Variants in SLC17A1 observed in about 807,000 individuals in gnomAD.
The protein encoded by SLC17A1 is solute carrier family 17 member 1, also known as sodium-dependent phosphate transport protein 1.
A neutral mutation model predicts 53.5 loss-of-function variants in SLC17A1; 51 were observed. The ratio of observed to expected loss-of-function variants is 0.95; its 90% CI spans 0.76 to 1.20. SLC17A1 has a LOEUF of 1.20. SLC17A1 is among the 50% of genes most tolerant of loss of function. SLC17A1 has a pLI of 0.00. For synonymous variants in SLC17A1, 179 were observed against 198.8 expected (o/e 0.90, Z 0.84); for missense variants, 538 against 568.2 (o/e 0.95, Z 0.54).
At chr6:25,780,138 T>C (rs1257823721), downstream of SLC17A1, 1 of 152,206 alleles carries the variant, frequency 6.6e-6, no homozygotes, top group Non-Finnish European at 1.5e-5. Flanking sequence ...AGTGCTTTTG[T>C]TAAAGCCCCT....
chr6:25,734,950 A>G, the SLC17A1 span, among the ~76,000 whole-genome samples: 1 of 152,238 alleles, frequency 6.6e-6, no homozygotes, highest in Admixed American at 6.5e-5. Flanking sequence ...ATGCCCCACA[A>G]TTAACTGGGA....
intron 1 of SLC17A1, among the ~76,000 whole-genome samples, chr6:25,830,830 A>C (rs1764919976): frequency 6.6e-6 from 1 of 152,228 alleles, no homozygotes; most frequent in Non-Finnish European, 1.5e-5. Flanking sequence ...TACAGAGAAC[A>C]AACAAATAAC....
At chr6:25,786,789 G>A (rs1763392371) in intron 12 of SLC17A1, among the ~76,000 whole-genome samples, 1 of 152,100 alleles carries the variant, frequency 6.6e-6, no homozygotes, top group Non-Finnish European at 1.5e-5. Context: ...GGTCAGAGGT[G>A]GGGTCAGCAT....
chr6:25,773,516 T>C, the SLC17A1 span: 17 of 1,613,858 alleles, frequency 1.1e-5, no homozygotes, highest in South Asian at 1.6e-4. Flanking sequence ...CTTCCAGGAC[T>C]GTTCACCAGG....
At chr6:25,726,558 A>C in the SLC17A1 span, 7,358 of 1,586,210 alleles carry the variant, frequency 4.6e-3, 72 homozygotes, top group African/African-American at 0.034. Context: ...CAACACGAGA[A>C]CCACATTTCT....
intron 2 of SLC17A1, among the ~76,000 whole-genome samples, chr6:25,828,494 T>G (rs1764831897): frequency 6.6e-6 from 1 of 152,086 alleles, no homozygotes. Context: ...TTGTGTGGAG[T>G]GACATGTATA....
intron 2 of SLC17A1, among the ~76,000 whole-genome samples, chr6:25,827,877 C>T (rs1030837635): frequency 2.0e-5 from 3 of 152,108 alleles, no homozygotes; most frequent in African/African-American, 2.4e-5. Flanking sequence ...GTTCATTTCA[C>T]GTGCAAAACA....
At chr6:25,726,839 G>A in the SLC17A1 span, 2 of 1,520,814 alleles carry the variant, frequency 1.3e-6, no homozygotes, top group Non-Finnish European at 1.8e-6. Context: ...CTGAAGAGCT[G>A]TTGAGCACTG....
At chr6:25,831,577 T>C (rs568385387) in intron 1 of SLC17A1, among the ~76,000 whole-genome samples, 94 of 152,098 alleles carry the variant, frequency 6.2e-4, no homozygotes, top group African/African-American at 2.1e-3. Context: ...TCCAGACACA[T>C]AGCAAACCAA....
chr6:25,763,902 A>G, the SLC17A1 span, among the ~76,000 whole-genome samples: 8,736 of 152,224 alleles, frequency 0.057, 710 homozygotes, highest in African/African-American at 0.18. Flanking sequence ...ACAAAATCAA[A>G]AGCAAATCTA....
intron 4 of SLC17A1, 26 bp downstream of exon 4, chr6:25,819,656 G>C (rs760004649): frequency 1.9e-6 from 3 of 1,611,940 alleles, no homozygotes; most frequent in Non-Finnish European, 2.5e-6. Context: ...TTTAAACTCT[G>C]TTCAGTTTTA....
chr6:25,783,973 A>G (rs913997747), intron 12 of SLC17A1, among the ~76,000 whole-genome samples: 2 of 125,896 alleles, frequency 1.6e-5, no homozygotes, highest in Non-Finnish European at 3.5e-5. Flanking sequence ...AAAACCTGAA[A>G]AGGGGGAGTG....
At chr6:25,809,374 C>T (rs186117683) in intron 10 of SLC17A1, among the ~76,000 whole-genome samples, 18 of 152,108 alleles carry the variant, frequency 1.2e-4, no homozygotes, top group Admixed American at 1.0e-3. Context: ...ACTGTATTTG[C>T]ATGCCTTAAA....
the SLC17A1 span, among the ~76,000 whole-genome samples, chr6:25,745,265 G>A: frequency 1.3e-5 from 2 of 152,214 alleles, no homozygotes; most frequent in South Asian, 4.1e-4. Flanking sequence ...ATTATATACA[G>A]AAATGTTAGT....
At chr6:25,726,598 G>A in the SLC17A1 span, 2 of 1,517,880 alleles carry the variant, frequency 1.3e-6, no homozygotes, top group South Asian at 1.3e-5. Context: ...TTTATAGTCT[G>A]ACTGAGGTTG....
intron 12 of SLC17A1, among the ~76,000 whole-genome samples, chr6:25,792,957 G>A (rs1763534085): frequency 6.6e-6 from 1 of 152,090 alleles, no homozygotes; most frequent in South Asian, 2.1e-4. Flanking sequence ...TCTAGAAGGT[G>A]GCAAAAATGA....
chr6:25,748,111 C>A, the SLC17A1 span, among the ~76,000 whole-genome samples: 1 of 152,120 alleles, frequency 6.6e-6, no homozygotes, highest in Admixed American at 6.5e-5. Context: ...TTAACCTAAA[C>A]CCCAATGTCT....
chr6:25,759,457 T>C, the SLC17A1 span, among the ~76,000 whole-genome samples: 1 of 152,222 alleles, frequency 6.6e-6, no homozygotes, highest in Non-Finnish European at 1.5e-5. Flanking sequence ...CTAGTAGTAA[T>C]TGTTTTATAA....
downstream of SLC17A1, chr6:25,781,303 AAGAT>A (rs1763264174): frequency 6.6e-6 from 1 of 152,116 alleles, no homozygotes; most frequent in Non-Finnish European, 1.5e-5. Flanking sequence ...AAGGGCCTGA[AAGAT>A]AGAAGGAAAA....
Sources: allele counts gnomAD v4.1 joint callset (sites outside exome capture counted in the v4.1 genomes callset), GRCh38; gene constraint gnomAD v4.1.1; transcripts MANE v1.5; gene names NCBI Gene and HGNC (gene_info 2026-07-23, HGNC 2026-07-21).